The following GNA13 variants were observed in gnomAD, a reference collection of about 807,000 sequenced individuals.
The protein encoded by GNA13 is G protein subunit alpha 13.
GNA13 carries 4 observed loss-of-function variants against 33.5 expected under a neutral mutation model. The ratio of observed to expected loss-of-function variants is 0.12; its 90% CI spans 0.06 to 0.27. GNA13 has a LOEUF of 0.27. GNA13 is among the 10% of genes least tolerant of loss of function. The pLI, the probability that GNA13 is intolerant of heterozygous loss-of-function variation, is 1.00. For synonymous variants in GNA13, 176 were observed against 183.8 expected, an observed-to-expected ratio of 0.96 and a Z score of 0.34; for missense variants, 319 against 487.2, an observed-to-expected ratio of 0.65 and a Z score of 3.25.
Position 65,012,839 on chromosome 17 carries a change from C to T in GNA13, c.*1418G>A, listed in dbSNP as rs1483960597. 9.2e-6 allele frequency: 2 copies of T among 218,232 alleles called. No individual in the cohort carries two copies. The highest frequency in any genetic ancestry group is 6.7e-5 in the East Asian group (1 of 14,816). 13.5% of individuals were successfully genotyped at this position (218,232 alleles called of 1,614,324 possible). A position where few individuals can be genotyped will look rare whatever the true frequency, so the allele number is the denominator to read the frequency against. On this transcript the variant is annotated 3_prime_UTR_variant, in exon 4 of 4. Coordinates refer to ENST00000439174, the MANE Select transcript of GNA13 (RefSeq NM_006572.6). The stretch of plus-strand genomic sequence containing the variant: ...AAAGCTGTCAGACTTTTCAAGCTGT[C>T]GCCAGCCTTGGACTTCTGTTTCTCT...
At chr17:65,022,102 C>T (rs189093097) in intron 2 of GNA13, among the ~76,000 whole-genome samples, 1 of 152,158 alleles carries the variant, frequency 6.6e-6, no homozygotes, top group Non-Finnish European at 1.5e-5. Flanking sequence ...TTGTACGGCT[C>T]ATTTTTAAAT....
intron 2 of GNA13, among the ~76,000 whole-genome samples, chr17:65,045,678 ATTGC>A (rs557025474): frequency 1.3e-5 from 2 of 152,170 alleles, no homozygotes; most frequent in Non-Finnish European, 2.9e-5. Context: ...ACTATTAAAC[ATTGC>A]TTAAGATCAC....
chr17:65,046,528 G>C (rs75747564), intron 2 of GNA13, among the ~76,000 whole-genome samples: 8,728 of 152,188 alleles, frequency 0.057, 809 homozygotes, highest in African/African-American at 0.2. Context: ...TTGGCCTCAA[G>C]CATTCCTCAG....
chr17:65,026,417 A>G (rs1480065487), intron 2 of GNA13, among the ~76,000 whole-genome samples: 1 of 152,250 alleles, frequency 6.6e-6, no homozygotes, highest in Non-Finnish European at 1.5e-5. Context: ...AAAATACTCT[A>G]TGGCTTAGAT....
chr17:65,046,897 C>T (rs775567010), intron 2 of GNA13, among the ~76,000 whole-genome samples: 138 of 152,232 alleles, frequency 9.1e-4, no homozygotes, highest in Admixed American at 1.3e-3. Flanking sequence ...TTTCCAATTC[C>T]GGAAGCTTTA....
At chr17:65,053,847 A>C in intron 1 of GNA13, 119 bp from the exon 2 acceptor site, 1 of 653,704 alleles carries the variant, frequency 1.5e-6, no homozygotes, top group Non-Finnish European at 2.7e-6. Flanking sequence ...CCTTCTTCAA[A>C]AATGAAGACC....
chr17:65,041,065 CTA>C (rs150997833), intron 2 of GNA13, among the ~76,000 whole-genome samples: 384 of 152,280 alleles, frequency 2.5e-3, no homozygotes, highest in African/African-American at 8.9e-3. Context: ...ATCTGATTTT[CTA>C]TATAACTTCT....
chr17:65,041,801 C>T (rs186263712), intron 2 of GNA13, among the ~76,000 whole-genome samples: 69 of 152,334 alleles, frequency 4.5e-4, no homozygotes, highest in African/African-American at 1.6e-3. Flanking sequence ...AATGACTTGT[C>T]TCACTCTGGT....
intron 2 of GNA13, among the ~76,000 whole-genome samples, chr17:65,040,473 G>A (rs1907413888): frequency 1.3e-5 from 2 of 152,064 alleles, no homozygotes; most frequent in East Asian, 1.9e-4. Context: ...TAGGATAAAT[G>A]GTATTTGCAA....
At chr17:65,042,069 G>A (rs1181819269) in intron 2 of GNA13, among the ~76,000 whole-genome samples, 1 of 152,056 alleles carries the variant, frequency 6.6e-6, no homozygotes, top group African/African-American at 2.4e-5. Context: ...GTGAAAAAAT[G>A]AAGAACCAGC....
intron 1 of GNA13, among the ~76,000 whole-genome samples, chr17:65,054,029 ACAAT>A (rs1907950910): frequency 6.6e-6 from 1 of 152,230 alleles, no homozygotes; most frequent in South Asian, 2.1e-4. Flanking sequence ...TAGTCAAAAA[ACAAT>A]CTAACTCAAG....
At chr17:65,024,715 C>G (rs1375190859) in intron 2 of GNA13, among the ~76,000 whole-genome samples, 1 of 152,216 alleles carries the variant, frequency 6.6e-6, no homozygotes, top group East Asian at 1.9e-4. Context: ...AGAAGTGATT[C>G]TGATGTAGCC....
chr17:65,047,082 T>A (rs1031576763), intron 2 of GNA13, among the ~76,000 whole-genome samples: 1 of 152,136 alleles, frequency 6.6e-6, no homozygotes, highest in African/African-American at 2.4e-5. Context: ...ACGGAAATTT[T>A]AAAAAAGAAA....
Position 65,014,554 on chromosome 17 carries a change from C to G in GNA13, c.837G>C (p.Arg279=), listed in dbSNP as rs1352611020. Residue 279 remains arginine (R), a synonymous_variant, in exon 4 of 4, where the codon CGG becomes CGC. Transcript: ENST00000439174. The surrounding 1 kb of genome is among the most constrained non-coding windows in gnomAD (Gnocchi z 5.3). ...LNIFETIVNN[R]VFSNVSIILF... is the part of the protein sequence containing the mutation. ...GAATTATGGAGACATTGCTGAAAAC[C>G]CGGTTATTGACGATTGTTTCAAAAA... The G allele has an allele frequency of 6.2e-7, 1 of 1,613,986 alleles. No individual in the cohort carries two copies. The highest frequency in any genetic ancestry group is 1.7e-5 in the Admixed American group (1 of 59,998).
At chr17:65,048,730 C>T (rs182006108) in intron 2 of GNA13, among the ~76,000 whole-genome samples, 148 of 152,306 alleles carry the variant, frequency 9.7e-4, no homozygotes, top group African/African-American at 3.4e-3. Context: ...GTTATCAACA[C>T]CCTATCCCTT....
At chr17:65,021,820 G>C (rs908433300) in intron 2 of GNA13, among the ~76,000 whole-genome samples, 2 of 152,192 alleles carry the variant, frequency 1.3e-5, no homozygotes, top group Non-Finnish European at 2.9e-5. Context: ...ATAGAGATGG[G>C]TATCAAATAT....
chr17:65,018,446 A>G, intron 2 of GNA13, 143 bp from the exon 3 acceptor site: 2 of 621,568 alleles, frequency 3.2e-6, no homozygotes, highest in East Asian at 2.7e-5. Flanking sequence ...TAACCTTCCT[A>G]AAAACATATA....
rs2143762614 is a variant in GNA13, at chr17:65,012,667, C to CA, written c.*1589dup. 1 of 229,862 alleles carries CA rather than the reference C, an allele frequency of 4.4e-6. No individual in the cohort carries two copies. Among genetic ancestry groups the CA allele is most frequent in the East Asian group, 6.2e-5 (1 of 16,184 alleles). 14.2% of individuals were successfully genotyped at this position (229,862 alleles called of 1,614,324 possible). On this transcript the variant is annotated 3_prime_UTR_variant, in exon 4 of 4. Transcript: ENST00000439174. ...AAAGCCCCACTCTCGTATCAGACAG[C>CA]AAGACAGAACAACAGCCACTGACTT...
chr17:65,045,568 C>T (rs1907632083), intron 2 of GNA13, among the ~76,000 whole-genome samples: 1 of 147,626 alleles, frequency 6.8e-6, no homozygotes, highest in Admixed American at 6.7e-5. Flanking sequence ...TTGAGAATCA[C>T]TATTACAGTT....
Sources: gnomAD v4.1 joint callset for allele counts (sites outside exome capture counted in the v4.1 genomes callset) on GRCh38, gnomAD v4.1.1 for gene constraint, Gnocchi (gnomAD v3.1) non-coding constraint, MANE v1.5 for transcripts, NCBI Gene and HGNC (gene_info 2026-07-23, HGNC 2026-07-21) for gene names.